Variants in HIGD1C observed in about 807,000 individuals in gnomAD.
The protein encoded by HIGD1C is HIG1 hypoxia inducible domain family member 1C, also known as HIG1 domain family member 1C.
HIGD1C carries 11 observed loss-of-function variants against 13.1 expected under a neutral mutation model. The observed-to-expected ratio is 0.84, with a 90% CI of 0.53 to 1.39. HIGD1C has a LOEUF of 1.39. Among genes scored for constraint, HIGD1C ranks in the 40% most tolerant of loss-of-function variants. The pLI is 0.00. For synonymous variants in HIGD1C, 36 were observed against 37.7 expected (o/e 0.95, Z 0.17); for missense variants, 110 against 112.0 (o/e 0.98, Z 0.08).
chr12:50,968,141 G>A lies in HIGD1C; in HGVS notation c.230-2301G>A, dbSNP rs527473311. ...GGAGGAGGAGGAGAATGAGGAGGAG[G>A]AGGAGAAGGGATTTATTACAGAGAT... On this transcript the variant is annotated intron_variant, in intron 2 of 2. Coordinates refer to ENST00000398455, the Ensembl canonical transcript of HIGD1C. Among the ~76,000 whole-genome samples, 3 of 152,174 alleles carry A rather than the reference G, an allele frequency of 2.0e-5. No homozygotes were observed. The East Asian group carries it at 5.8e-4, about 29-fold the overall frequency.
chr12:50,955,720 G>A (rs1481356771), intron 1 of HIGD1C, among the ~76,000 whole-genome samples: 2 of 152,086 alleles, frequency 1.3e-5, no homozygotes, highest in Non-Finnish European at 2.9e-5. Context: ...GCACCCATAA[G>A]AAATGGAAGC....
At chr12:50,943,674 C>T in the HIGD1C span, among the ~76,000 whole-genome samples, 102 of 151,514 alleles carry the variant, frequency 6.7e-4, 1 homozygote, top group African/African-American at 2.3e-3. Flanking sequence ...CGCGCCACTG[C>T]ACTCCAGCCT....
At chr12:50,971,883 C>G (rs1314213970), downstream of HIGD1C, among the ~76,000 whole-genome samples, 2 of 152,158 alleles carry the variant, frequency 1.3e-5, no homozygotes, top group Non-Finnish European at 2.9e-5. Context: ...TGGATATTAA[C>G]CTAGTGTTCT....
At chr12:50,934,385 G>A in the HIGD1C span, among the ~76,000 whole-genome samples, 6 of 152,328 alleles carry the variant, frequency 3.9e-5, no homozygotes, top group East Asian at 9.7e-4. Context: ...GTAAATGGGG[G>A]TATCTACCTA....
chr12:50,951,151 T>G (rs1938886971), upstream of HIGD1C, among the ~76,000 whole-genome samples: 1 of 151,990 alleles, frequency 6.6e-6, no homozygotes, highest in Non-Finnish European at 1.5e-5. Context: ...AACTACTTAT[T>G]AATTAAAAGG....
the HIGD1C span, among the ~76,000 whole-genome samples, chr12:50,942,551 A>T: frequency 6.6e-6 from 1 of 152,174 alleles, no homozygotes; most frequent in Non-Finnish European, 1.5e-5. Flanking sequence ...TTTCAGGTTA[A>T]TTTTCAAAAT....
At chr12:50,970,253 C>T (rs1216776774) in intron 2 of HIGD1C, among the ~76,000 whole-genome samples, 189 bp from the exon 5 acceptor site, 1 of 152,048 alleles carries the variant, frequency 6.6e-6, no homozygotes, top group African/African-American at 2.4e-5. Flanking sequence ...TGAAAGGGCT[C>T]CTAGAGTTTT....
the HIGD1C span, among the ~76,000 whole-genome samples, chr12:50,936,025 G>A: frequency 2.0e-5 from 3 of 152,122 alleles, 1 homozygote; most frequent in African/African-American, 7.2e-5. Flanking sequence ...CGGGCGTGGT[G>A]GAGGCCACCT....
upstream of HIGD1C, chr12:50,949,273 C>G (rs1390910698): frequency 6.5e-6 from 1 of 154,100 alleles, no homozygotes. Context: ...ATTGCCATGG[C>G]TTTCAGGAAA....
chr12:50,963,094 G>C (rs1939400795), intron 2 of HIGD1C, among the ~76,000 whole-genome samples: 3 of 152,054 alleles, frequency 2.0e-5, no homozygotes, highest in Admixed American at 1.3e-4. Flanking sequence ...AGTAGGCCAG[G>C]CATGGTGGTT....
At chr12:50,947,139 T>C in the HIGD1C span, among the ~76,000 whole-genome samples, 2 of 152,168 alleles carry the variant, frequency 1.3e-5, no homozygotes, top group South Asian at 4.1e-4. Flanking sequence ...GTTCACTGGA[T>C]CTGTGACACG....
chr12:50,961,814 T>C (rs1176999009), intron 2 of HIGD1C, among the ~76,000 whole-genome samples: 2 of 152,164 alleles, frequency 1.3e-5, no homozygotes, highest in East Asian at 1.9e-4. Context: ...CTGCGTAGGA[T>C]GGAAATTACA....
chr12:50,969,281 G>C (rs1265335830), intron 2 of HIGD1C, among the ~76,000 whole-genome samples: 2 of 151,588 alleles, frequency 1.3e-5, no homozygotes, highest in African/African-American at 4.8e-5. Flanking sequence ...GCAAGACAGA[G>C]AGACCCCATC....
At chr12:50,968,877 C>T (rs528673471) in intron 2 of HIGD1C, among the ~76,000 whole-genome samples, 2 of 151,730 alleles carry the variant, frequency 1.3e-5, no homozygotes, top group Non-Finnish European at 2.9e-5. Flanking sequence ...ATGGGTCTCG[C>T]TATTTTGACT....
the HIGD1C span, among the ~76,000 whole-genome samples, chr12:50,947,192 A>C: frequency 3.3e-5 from 5 of 152,298 alleles, no homozygotes; most frequent in South Asian, 1.0e-3. Context: ...CTACACAGAA[A>C]AATGTTGGGC....
At chr12:50,960,534 G>C (rs548374940) in intron 1 of HIGD1C, among the ~76,000 whole-genome samples, 13 of 152,022 alleles carry the variant, frequency 8.6e-5, no homozygotes, top group Middle Eastern at 3.2e-3. Context: ...TCATTTTAAA[G>C]TCTGGTAGAT....
chr12:50,947,899 A>G, the HIGD1C span, among the ~76,000 whole-genome samples: 3 of 152,322 alleles, frequency 2.0e-5, no homozygotes, highest in East Asian at 5.8e-4. Flanking sequence ...CAGTGAGCCA[A>G]GACCACGTCA....
At chr12:50,964,118 G>A (rs1395349728) in intron 2 of HIGD1C, among the ~76,000 whole-genome samples, 1 of 151,656 alleles carries the variant, frequency 6.6e-6, no homozygotes, top group Non-Finnish European at 1.5e-5. Flanking sequence ...TCTTATGTTA[G>A]ATGATAGGTA....
At chr12:50,943,520 C>G in the HIGD1C span, among the ~76,000 whole-genome samples, 1 of 152,034 alleles carries the variant, frequency 6.6e-6, no homozygotes, top group African/African-American at 2.4e-5. Context: ...ACCATCCTGG[C>G]TAACATGGTG....
Sources: gnomAD v4.1 joint callset for allele counts (sites outside exome capture counted in the v4.1 genomes callset) on GRCh38, gnomAD v4.1.1 for gene constraint, MANE v1.5 for transcripts, NCBI Gene and HGNC (gene_info 2026-07-23, HGNC 2026-07-21) for gene names.